Variants in FAM3C observed in about 807,000 individuals in gnomAD.
FAM3C encodes protein FAM3C.
A neutral mutation model predicts 32.5 loss-of-function variants in FAM3C; 15 were observed. That is an observed-to-expected ratio of 0.46 (90% CI 0.31 to 0.71). The LOEUF (loss-of-function observed/expected upper bound fraction) is 0.71, where lower values mean the gene tolerates loss of function less well. Ranked by LOEUF, FAM3C falls within the 30% of genes least tolerant of loss-of-function variation. The probability of loss-of-function intolerance (pLI) is 0.05; values close to 1 mark genes in which losing one functional copy is unlikely to be tolerated. For synonymous variants in FAM3C, 75 were observed against 86.1 expected (o/e 0.87, Z 0.72); for missense variants, 175 against 274.4 (o/e 0.64, Z 2.56).
At chr7:121,391,235 A>T (rs1393200588) in intron 1 of FAM3C, among the ~76,000 whole-genome samples, 9 of 152,204 alleles carry the variant, frequency 5.9e-5, no homozygotes. Context: ...CTACAAAATG[A>T]CATTCAGTTT....
At chr7:121,369,338 T>C (rs374784702) in intron 5 of FAM3C, among the ~76,000 whole-genome samples, 3 of 152,136 alleles carry the variant, frequency 2.0e-5, no homozygotes, top group African/African-American at 7.2e-5. Flanking sequence ...CCTACTAAAC[T>C]GTAAGTTCCA....
At chr7:121,362,356 A>G (rs1283502646) in intron 7 of FAM3C, among the ~76,000 whole-genome samples, 1 of 152,176 alleles carries the variant, frequency 6.6e-6, no homozygotes, top group East Asian at 1.9e-4. Context: ...TCAAATATTC[A>G]TCTACCTAAA....
At chr7:121,382,247 T>G (rs574847434) in intron 2 of FAM3C, among the ~76,000 whole-genome samples, 18 of 152,298 alleles carry the variant, frequency 1.2e-4, no homozygotes, top group East Asian at 9.6e-4. Flanking sequence ...TATAACTACC[T>G]TAATATTATG....
intron 1 of FAM3C, among the ~76,000 whole-genome samples, chr7:121,389,768 A>G (rs545162409): frequency 6.6e-6 from 1 of 152,276 alleles, no homozygotes; most frequent in Admixed American, 6.5e-5. Context: ...GTGGCAAAAA[A>G]AAAAAAAGGT....
intron 6 of FAM3C, 28 bp from the exon 7 acceptor site, chr7:121,362,975 T>G: frequency 9.2e-7 from 1 of 1,089,124 alleles, no homozygotes; most frequent in Non-Finnish European, 1.4e-6. Context: ...CATATCAAAT[T>G]ATGCATCTGA....
chr7:121,388,142 A>G (rs575546321), intron 1 of FAM3C, among the ~76,000 whole-genome samples: 4 of 152,232 alleles, frequency 2.6e-5, no homozygotes, highest in African/African-American at 9.6e-5. Flanking sequence ...AAGGCTTGAA[A>G]GAAAAATCTA....
chr7:121,394,618 T>C (rs1794647339), intron 1 of FAM3C, among the ~76,000 whole-genome samples: 1 of 152,222 alleles, frequency 6.6e-6, no homozygotes, highest in African/African-American at 2.4e-5. Context: ...TATTTCTTCC[T>C]ATGAAGAAAT....
chr7:121,386,668 TATAC>T (rs1794470213), intron 1 of FAM3C, among the ~76,000 whole-genome samples: 1 of 145,342 alleles, frequency 6.9e-6, no homozygotes, highest in African/African-American at 2.7e-5. Context: ...GAGCTATATC[TATAC>T]ATACACACAC....
intron 7 of FAM3C, among the ~76,000 whole-genome samples, chr7:121,361,889 G>A (rs937236187): frequency 6.6e-6 from 1 of 152,162 alleles, no homozygotes; most frequent in Non-Finnish European, 1.5e-5. Flanking sequence ...GTGTTAGCCA[G>A]GATGGTCTCC....
intron 8 of FAM3C, among the ~76,000 whole-genome samples, chr7:121,354,637 T>C (rs1005685347): frequency 7.2e-5 from 11 of 152,154 alleles, no homozygotes; most frequent in East Asian, 3.8e-4. Context: ...TTCTGATTAA[T>C]AGGGAAGAAC....
At chr7:121,352,692 C>A (rs1478664246) in intron 8 of FAM3C, among the ~76,000 whole-genome samples, 1 of 152,202 alleles carries the variant, frequency 6.6e-6, no homozygotes, top group Non-Finnish European at 1.5e-5. Context: ...CTGTGCCCAT[C>A]CTTACATGAA....
chr7:121,379,782 T>C (rs893727970), intron 2 of FAM3C, among the ~76,000 whole-genome samples: 1 of 152,152 alleles, frequency 6.6e-6, no homozygotes, highest in Non-Finnish European at 1.5e-5. Context: ...ACAGGGAGTA[T>C]GTAGAAAATC....
intron 3 of FAM3C, among the ~76,000 whole-genome samples, chr7:121,373,817 T>A (rs546181939): frequency 6.6e-6 from 1 of 151,146 alleles, no homozygotes; most frequent in East Asian, 1.9e-4. Context: ...GGTCAGGAGA[T>A]CGAGACCATC....
intron 7 of FAM3C, among the ~76,000 whole-genome samples, chr7:121,362,192 A>G (rs1293210812): frequency 6.6e-6 from 1 of 152,154 alleles, no homozygotes; most frequent in South Asian, 2.1e-4. Context: ...TGGAGGAAAA[A>G]AACCCATTCT....
chr7:121,372,078 T>C, intron 4 of FAM3C, 32 bp downstream of exon 4: 7 of 1,547,286 alleles, frequency 4.5e-6, no homozygotes, highest in Non-Finnish European at 6.2e-6. Flanking sequence ...GCAGAATAAA[T>C]CATACATAAA....
intron 4 of FAM3C, among the ~76,000 whole-genome samples, chr7:121,371,710 AT>A (rs1161839531): frequency 6.6e-6 from 1 of 152,172 alleles, no homozygotes; most frequent in East Asian, 1.9e-4. Context: ...TAGGGCAAAT[AT>A]ATTTTATCTA....
intron 9 of FAM3C, 48 bp from the exon 10 acceptor site, chr7:121,350,598 T>C: frequency 6.3e-7 from 1 of 1,582,444 alleles, no homozygotes; most frequent in Non-Finnish European, 8.6e-7. Flanking sequence ...CGTTGTAAAC[T>C]GCTGATTTGC....
chr7:121,354,133 T>C (rs1415327269), intron 8 of FAM3C, among the ~76,000 whole-genome samples: 1 of 152,178 alleles, frequency 6.6e-6, no homozygotes, highest in South Asian at 2.1e-4. Flanking sequence ...TCATGTAACA[T>C]AGCCAGTATT....
intron 2 of FAM3C, among the ~76,000 whole-genome samples, chr7:121,381,338 T>C (rs1365035232): frequency 6.6e-6 from 1 of 152,132 alleles, no homozygotes; most frequent in African/African-American, 2.4e-5. Flanking sequence ...AAGAGATTAA[T>C]TAGTTAAAAG....
Sources: allele counts gnomAD v4.1 joint callset (sites outside exome capture counted in the v4.1 genomes callset), GRCh38; gene constraint gnomAD v4.1.1; transcripts MANE v1.5; gene names NCBI Gene and HGNC (gene_info 2026-07-23, HGNC 2026-07-21).